COBLL1: variants seen among roughly 807,000 people sequenced by gnomAD.
The protein encoded by COBLL1 is cordon-bleu protein-like 1.
In COBLL1, 50 loss-of-function variants were observed where a neutral mutation model predicts 94.8. The ratio of observed to expected loss-of-function variants is 0.53; its 90% confidence interval spans 0.42 to 0.67. The LOEUF (loss-of-function observed/expected upper bound fraction) is 0.67. COBLL1 is among the 30% of genes least tolerant of loss of function. The pLI is 0.00. For missense variants in COBLL1, 1,362 were observed against 1,348.7 expected (o/e 1.01, Z -0.15); for synonymous variants, 448 against 473.8 (o/e 0.95, Z 0.71).
intron 2 of COBLL1, among the ~76,000 whole-genome samples, chr2:164,836,256 T>G (rs989045032): frequency 3.3e-5 from 5 of 152,284 alleles, no homozygotes; most frequent in African/African-American, 1.2e-4. Context: ...ATGAGTTAAA[T>G]TACATCATAC....
At chr2:164,798,629 G>T (rs960967756) in intron 2 of COBLL1, among the ~76,000 whole-genome samples, 1 of 152,046 alleles carries the variant, frequency 6.6e-6, no homozygotes, top group Admixed American at 6.6e-5. Context: ...ATACTCAGGG[G>T]GACTATCTGC....
chr2:164,788,563 T>C (rs990362122), intron 2 of COBLL1, among the ~76,000 whole-genome samples: 2 of 152,160 alleles, frequency 1.3e-5, no homozygotes, highest in Non-Finnish European at 2.9e-5. Flanking sequence ...CTGATTCCAT[T>C]TTATGGTTAG....
At chr2:164,757,586 T>C (rs1359027988) in intron 2 of COBLL1, among the ~76,000 whole-genome samples, 2 of 152,118 alleles carry the variant, frequency 1.3e-5, no homozygotes, top group Non-Finnish European at 2.9e-5. Flanking sequence ...TCTGTCTGGG[T>C]TTCTCTCTCA....
rs769500786 is a variant in COBLL1 at position 164,728,046 on chromosome 2, G to C, written c.584C>G (p.Ser195Trp). The change falls in exon 5 of 14, where the codon TCG (serine) becomes TGG (tryptophan). Residue 195 changes from serine (S) to tryptophan (W), a missense_variant. Coordinates refer to ENST00000652658, the MANE Select transcript of COBLL1 (RefSeq NM_001365672.2). ...LHTLLLKDYQ[S>W]QEPLDLTKSL... is the part of the protein sequence containing the mutation. ...TTTTGTCAAGTCAAGAGGCTCCTGC[G>C]ATTGATAATCTTTCAACAATAGTGT... 3.1e-6 allele frequency: 5 copies of C among 1,613,658 alleles called. No homozygotes were observed. The highest frequency in any genetic ancestry group is 4.2e-6 in the Non-Finnish European group (5 of 1,179,668).
chr2:164,696,433 T>C (rs890224948), intron 11 of COBLL1: 1 of 152,152 alleles, frequency 6.6e-6, no homozygotes, highest in African/African-American at 2.4e-5. Context: ...CAGTTGATTG[T>C]CTTGTTAACT....
intron 2 of COBLL1, among the ~76,000 whole-genome samples, chr2:164,808,208 C>A (rs538587954): frequency 1.4e-4 from 21 of 152,212 alleles, no homozygotes; most frequent in Admixed American, 9.2e-4. Context: ...TCCTTCTGAC[C>A]CAATCTGTAA....
chr2:164,747,997 T>G (rs954605802), intron 2 of COBLL1, among the ~76,000 whole-genome samples: 1 of 151,904 alleles, frequency 6.6e-6, no homozygotes, highest in Non-Finnish European at 1.5e-5. Context: ...TTTGAAAATT[T>G]AGGTCAGTGA....
chr2:164,741,285 A>C (rs1443501873), intron 3 of COBLL1, among the ~76,000 whole-genome samples: 1 of 151,730 alleles, frequency 6.6e-6, no homozygotes, highest in Non-Finnish European at 1.5e-5. Flanking sequence ...AAAAACAAAC[A>C]AAAAAAAGAT....
chr2:164,717,243 TTAAA>T (rs1685215383), intron 7 of COBLL1, among the ~76,000 whole-genome samples: 1 of 152,306 alleles, frequency 6.6e-6, no homozygotes, highest in Admixed American at 6.5e-5. Flanking sequence ...ACAATAAAAA[TTAAA>T]TAAAAGTGTC....
intron 3 of COBLL1, among the ~76,000 whole-genome samples, chr2:164,735,865 C>G (rs1574493546): frequency 6.6e-6 from 1 of 152,218 alleles, no homozygotes; most frequent in African/African-American, 2.4e-5. Flanking sequence ...CGTGAGCAGT[C>G]CATCTAAAAC....
chr2:164,757,131 A>T (rs1687450245), intron 2 of COBLL1, among the ~76,000 whole-genome samples: 1 of 152,150 alleles, frequency 6.6e-6, no homozygotes, highest in African/African-American at 2.4e-5. Context: ...TCTAAAGTGC[A>T]GCCAATTTTG....
At chr2:164,687,390 G>A (rs866277823) in intron 13 of COBLL1, 9 of 814,138 alleles carry the variant, frequency 1.1e-5, no homozygotes, top group African/African-American at 1.7e-5. Flanking sequence ...CAAATTCATC[G>A]ACATTGAACT....
intron 10 of COBLL1, 69 bp downstream of exon 10, chr2:164,700,453 T>A: frequency 2.0e-5 from 18 of 921,394 alleles, no homozygotes; most frequent in Non-Finnish European, 2.9e-5. Context: ...AAATATCAGA[T>A]CTATATTTCA....
rs1006485212 is a variant in COBLL1, at chr2:164,719,335, C to T, written c.996+2740G>A. 1.8e-4 allele frequency among the ~76,000 whole-genome samples: 27 copies of T among 152,120 alleles called. No individual in the cohort carries two copies. In the South Asian group the frequency reaches 3.3e-3, roughly 19 times the overall value. ...ATTCAAATTGCAACTGGAAGAATAC[C>T]GAGACTGGAATTACGAAGTTGATGT... On this transcript the variant is annotated intron_variant, in intron 7 of 13. Coordinates refer to ENST00000652658, the MANE Select transcript of COBLL1 (RefSeq NM_001365672.2).
chr2:164,752,045 G>A (rs533357229), intron 2 of COBLL1, among the ~76,000 whole-genome samples: 1 of 152,118 alleles, frequency 6.6e-6, no homozygotes, highest in Non-Finnish European at 1.5e-5. Context: ...CAAGCAAAGA[G>A]GCAGTGGCAT....
At chr2:164,811,817 A>G (rs759239839) in intron 2 of COBLL1, among the ~76,000 whole-genome samples, 4 of 152,038 alleles carry the variant, frequency 2.6e-5, no homozygotes, top group African/African-American at 9.7e-5. Flanking sequence ...AAAAGAAAAA[A>G]AAGTTTTTAT....
At chr2:164,738,527 T>C (rs985395041) in intron 3 of COBLL1, among the ~76,000 whole-genome samples, 4 of 152,178 alleles carry the variant, frequency 2.6e-5, no homozygotes, top group African/African-American at 7.2e-5. Flanking sequence ...TTGTGAAGTA[T>C]AGCATTTTCT....
At chr2:164,829,154 T>C (rs1472348908) in intron 2 of COBLL1, among the ~76,000 whole-genome samples, 1 of 152,194 alleles carries the variant, frequency 6.6e-6, no homozygotes, top group Non-Finnish European at 1.5e-5. Flanking sequence ...TTGGATGAAA[T>C]ATTTTCCCCC....
At chr2:164,769,795 C>A (rs140046172) in intron 2 of COBLL1, among the ~76,000 whole-genome samples, 12 of 152,180 alleles carry the variant, frequency 7.9e-5, no homozygotes, top group Admixed American at 6.5e-4. Flanking sequence ...ATATACCCCC[C>A]CCAGAGCAAG....
Sources: gnomAD v4.1 joint callset for allele counts (sites outside exome capture counted in the v4.1 genomes callset) on GRCh38, gnomAD v4.1.1 for gene constraint, MANE v1.5 for transcripts, NCBI Gene and HGNC (gene_info 2026-07-23, HGNC 2026-07-21) for gene names.